ADAMTSL1: variants seen among roughly 807,000 people sequenced by gnomAD.
ADAMTSL1 encodes the protein ADAMTS like 1.
ADAMTSL1 carries 126 observed loss-of-function variants against 201.8 expected under a neutral mutation model. The observed-to-expected ratio is 0.62, with a 90% CI of 0.54 to 0.72. ADAMTSL1 has a LOEUF of 0.72. ADAMTSL1 is among the 30% of genes least tolerant of loss of function. The pLI is 0.00. For missense variants in ADAMTSL1, 2,679 were observed against 2,277.8 expected (o/e 1.18, Z -3.59); for synonymous variants, 1,121 against 903.4 (o/e 1.24, Z -4.32).
intron 2 of ADAMTSL1, among the ~76,000 whole-genome samples, chr9:18,196,275 T>G (rs1290224200): frequency 6.6e-6 from 1 of 152,058 alleles, no homozygotes; most frequent in Non-Finnish European, 1.5e-5. Flanking sequence ...ATTTATAAAA[T>G]AACATGAGTT....
At chr9:18,430,364 C>G (rs978581774) in intron 2 of ADAMTSL1, among the ~76,000 whole-genome samples, 2 of 152,168 alleles carry the variant, frequency 1.3e-5, no homozygotes, top group Non-Finnish European at 2.9e-5. Context: ...CTTCTGATGC[C>G]AAGTTCAGCA....
intron 2 of ADAMTSL1, among the ~76,000 whole-genome samples, chr9:18,420,572 C>G (rs1818898426): frequency 6.6e-6 from 1 of 152,126 alleles, no homozygotes; most frequent in South Asian, 2.1e-4. Flanking sequence ...ACTAGGGTGG[C>G]ATGGAGAGCT....
chr9:18,628,739 G>C (rs2132719412), intron 5 of ADAMTSL1, among the ~76,000 whole-genome samples: 1 of 152,180 alleles, frequency 6.6e-6, no homozygotes, highest in Non-Finnish European at 1.5e-5. Context: ...TGTTTACTTA[G>C]GTCTTATTTT....
chr9:18,853,351 T>C (rs961301310), intron 23 of ADAMTSL1, among the ~76,000 whole-genome samples: 1 of 151,982 alleles, frequency 6.6e-6, no homozygotes, highest in African/African-American at 2.4e-5. Context: ...AAATTTGGAG[T>C]CTAGGGTTTT....
In ADAMTSL1 at chr9:18,816,065, A is replaced by G. The variant is rs535740929; in HGVS notation, c.3806-1044A>G. Among the ~76,000 whole-genome samples the G allele has an allele frequency of 1.2e-4, 19 of 152,256 alleles. 1 individual carries two copies. The highest frequency in any genetic ancestry group is 4.6e-4 in the African/African-American group (19 of 41,540). ...ATACACATAGTCACCCTACTGTGCAATATAATACCAGAACTTATTCCTCCT... is the reference window on the plus strand; with the variant it reads ...ATACACATAGTCACCCTACTGTGCAGTATAATACCAGAACTTATTCCTCCT... On this transcript the variant is annotated intron_variant, in intron 20 of 28. Coordinates refer to ENST00000380548, the MANE Select transcript of ADAMTSL1 (RefSeq NM_001040272.6).
chr9:17,908,989 C>T (rs1296720868), intron 1 of ADAMTSL1, among the ~76,000 whole-genome samples: 2 of 150,930 alleles, frequency 1.3e-5, no homozygotes, highest in East Asian at 3.9e-4. Context: ...CCTGTTGTTT[C>T]CTGACTTTTT....
intron 2 of ADAMTSL1, among the ~76,000 whole-genome samples, chr9:18,438,612 C>T (rs1161732739): frequency 1.3e-5 from 2 of 152,200 alleles, no homozygotes; most frequent in East Asian, 3.9e-4. Flanking sequence ...GCTTTCTTCT[C>T]GAGCTCGTGA....
chr9:18,639,902 A>C (rs1827338237), intron 7 of ADAMTSL1, among the ~76,000 whole-genome samples: 1 of 152,136 alleles, frequency 6.6e-6, no homozygotes, highest in African/African-American at 2.4e-5. Flanking sequence ...GTAATATAAA[A>C]CACATTGCTG....
chr9:18,435,213 T>A (rs917325693), intron 2 of ADAMTSL1, among the ~76,000 whole-genome samples: 3 of 152,214 alleles, frequency 2.0e-5, no homozygotes, highest in Non-Finnish European at 4.4e-5. Context: ...AGGACTTATA[T>A]TAGATACTTT....
chr9:18,547,633 T>TAAAAAAAAAA (rs56789652), intron 3 of ADAMTSL1, among the ~76,000 whole-genome samples: 4 of 86,260 alleles, frequency 4.6e-5, no homozygotes, highest in African/African-American at 2.1e-4. Context: ...TATATATATA[T>TAAAAAAAAAA]AAAAAAAAAA....
chr9:18,545,034 A>C (rs1820391057), intron 3 of ADAMTSL1, among the ~76,000 whole-genome samples: 1 of 152,160 alleles, frequency 6.6e-6, no homozygotes, highest in Non-Finnish European at 1.5e-5. Flanking sequence ...TTTCTGCCAC[A>C]ATCCCCGTTA....
intron 4 of ADAMTSL1, among the ~76,000 whole-genome samples, chr9:18,587,076 A>G (rs1213699171): frequency 2.0e-5 from 3 of 152,240 alleles, no homozygotes; most frequent in African/African-American, 7.2e-5. Context: ...AAAGCAATTC[A>G]ACAAAAGCAA....
rs115549635 is a variant in ADAMTSL1, at chr9:18,670,908, A to G, written c.1086-4949A>G. ...AGATACCAAAAGCCACAGATGCTCA[A>G]ATGCCTTCCATATATAAAGTGGTGT... On this transcript the variant is annotated intron_variant, in intron 9 of 28. Coordinates refer to ENST00000380548, the MANE Select transcript of ADAMTSL1 (RefSeq NM_001040272.6). 7.7e-3 allele frequency among the ~76,000 whole-genome samples: 1,170 copies of G among 151,730 alleles called. 11 individuals are homozygous for G. The highest frequency in any genetic ancestry group is 0.027 in the African/African-American group (1,099 of 41,270).
Position 18,077,177 on chromosome 9 carries a change from T to G in ADAMTSL1, c.88-86685T>G, listed in dbSNP as rs187772766. 6.0e-4 allele frequency among the ~76,000 whole-genome samples: 92 copies of G among 152,266 alleles called. 1 individual carries two copies. The highest frequency in any genetic ancestry group is 2.2e-3 in the African/African-American group (90 of 41,538). On this transcript the variant is annotated intron_variant, in intron 1 of 29. Coordinates refer to the ADAMTSL1 transcript ENST00000680146. ...TATCCAAATGTAGGTATAAAATTAG[T>G]GATAGCATATAAAAGTCTGAATTTC...
At chr9:18,559,713 A>G (rs1468301807) in intron 3 of ADAMTSL1, among the ~76,000 whole-genome samples, 1 of 152,034 alleles carries the variant, frequency 6.6e-6, no homozygotes, top group African/African-American at 2.4e-5. Context: ...CTCTTTGAAG[A>G]GGTTCTTCAC....
chr9:18,771,515 C>T (rs1820686704), intron 17 of ADAMTSL1, among the ~76,000 whole-genome samples: 1 of 152,146 alleles, frequency 6.6e-6, no homozygotes, highest in Non-Finnish European at 1.5e-5. Context: ...TTCGAGTTGC[C>T]TTCGACTTCT....
In ADAMTSL1 at chr9:18,910,370, C is replaced by T. The variant is rs1830536555; in HGVS notation, c.*1822C>T. 1 of 152,196 alleles carries T rather than the reference C, an allele frequency of 6.6e-6. No individual in the cohort carries two copies. The highest frequency in any genetic ancestry group is 6.5e-5 in the Admixed American group (1 of 15,284). The allele number at this position is 152,196 out of a possible 1,614,324, so 9.4% of individuals were successfully genotyped here. A position where few individuals can be genotyped will look rare whatever the true frequency, so the allele number is the denominator to read the frequency against. ...TGCAATATTAATAATTGTACATTGT[C>T]ATCCAGAAACAAAACTATTGGGGGG... On this transcript the variant is annotated 3_prime_UTR_variant, in exon 29 of 29. Transcript: ENST00000380548.
chr9:18,561,835 A>G (rs1017383378), intron 3 of ADAMTSL1, among the ~76,000 whole-genome samples: 1 of 152,170 alleles, frequency 6.6e-6, no homozygotes, highest in Non-Finnish European at 1.5e-5. Flanking sequence ...CTCAGAGACT[A>G]GGATTGTACC....
At chr9:18,342,134 A>G (rs1403828107) in intron 2 of ADAMTSL1, among the ~76,000 whole-genome samples, 6 of 152,070 alleles carry the variant, frequency 3.9e-5, no homozygotes, top group Admixed American at 3.3e-4. Context: ...CTTCTTTTCT[A>G]TGAAATTTTT....
Sources: allele counts gnomAD v4.1 joint callset (sites outside exome capture counted in the v4.1 genomes callset), GRCh38; gene constraint gnomAD v4.1.1; transcripts MANE v1.5; gene names NCBI Gene and HGNC (gene_info 2026-07-23, HGNC 2026-07-21).